SLC6A15: variants seen among roughly 807,000 people sequenced by gnomAD.
SLC6A15 encodes the protein solute carrier family 6 member 15.
A neutral mutation model predicts 68.5 loss-of-function variants in SLC6A15; 33 were observed. The ratio of observed to expected loss-of-function variants is 0.48; its 90% confidence interval spans 0.37 to 0.64. SLC6A15 has a LOEUF of 0.64. Ranked by LOEUF, SLC6A15 falls within the 30% of genes least tolerant of loss-of-function variation. The pLI is 0.00. For synonymous variants in SLC6A15, 347 were observed against 301.0 expected (o/e 1.15, Z -1.58); for missense variants, 747 against 874.3 (o/e 0.85, Z 1.84).
At chr12:84,889,287 A>G (rs111701244) in intron 2 of SLC6A15, among the ~76,000 whole-genome samples, 29 of 151,822 alleles carry the variant, frequency 1.9e-4, no homozygotes, top group Non-Finnish European at 2.9e-4. Flanking sequence ...TCAGGAGATC[A>G]AGACCATCCT....
rs1325029907 is a variant in SLC6A15, at chr12:84,863,381, C to T, written c.1818+58G>A. The T allele has an allele frequency of 3.0e-6, 4 of 1,355,412 alleles. No homozygotes were observed. In the African/African-American group the frequency reaches 6.1e-5, roughly 21 times the overall value. 84.0% of individuals were successfully genotyped at this position (1,355,412 alleles called of 1,614,324 possible). On this transcript the variant is annotated intron_variant, in intron 11 of 11. Coordinates refer to ENST00000266682, the MANE Select transcript of SLC6A15 (RefSeq NM_182767.6). ...TGTGATGGAGACAAAAGAAAAAGCC[C>T]TCTAAAAAAGCTTTTTATATATCTT...
intron 1 of SLC6A15, among the ~76,000 whole-genome samples, chr12:84,911,410 A>T (rs2120761219): frequency 6.6e-6 from 1 of 152,268 alleles, no homozygotes; most frequent in Non-Finnish European, 1.5e-5. Context: ...ATAAGCACCC[A>T]AACACTGCTT....
intron 9 of SLC6A15, among the ~76,000 whole-genome samples, chr12:84,868,029 G>A (rs938678127): frequency 5.9e-5 from 9 of 152,076 alleles, no homozygotes; most frequent in African/African-American, 1.9e-4. Context: ...ACCACATTTC[G>A]GCAGAGGTGA....
At chr12:84,871,518 A>G (rs1302517497) in intron 8 of SLC6A15, among the ~76,000 whole-genome samples, 1 of 152,136 alleles carries the variant, frequency 6.6e-6, no homozygotes, top group Non-Finnish European at 1.5e-5. Context: ...TACTTTGTCT[A>G]ACTAACTGTA....
rs555637022 is a variant in SLC6A15, at chr12:84,899,453, C to T, written c.-188-7145G>A. Among the ~76,000 whole-genome samples, 11 of 152,268 alleles carry T rather than the reference C, an allele frequency of 7.2e-5. No individual in the cohort carries two copies. In the South Asian group the frequency reaches 2.3e-3, roughly 32 times the overall value. On this transcript the variant is annotated intron_variant, in intron 1 of 11. Coordinates refer to ENST00000266682, the MANE Select transcript of SLC6A15 (RefSeq NM_182767.6). ...GCATGTCATCCAATTCCATCAAAGG[C>T]ATTATGCCCAGGCTGTAAATACTAC...
At chr12:84,873,684 A>G (rs951685951) in intron 6 of SLC6A15, among the ~76,000 whole-genome samples, 1 of 152,216 alleles carries the variant, frequency 6.6e-6, no homozygotes, top group African/African-American at 2.4e-5. Context: ...TCCATAGCAA[A>G]ACAGGTCAAT....
chr12:84,893,812 T>C (rs144804882), intron 1 of SLC6A15, among the ~76,000 whole-genome samples: 3 of 152,312 alleles, frequency 2.0e-5, no homozygotes, highest in African/African-American at 7.2e-5. Flanking sequence ...TGTTTTAAAA[T>C]TAAAATATAT....
chr12:84,892,106 G>T lies in SLC6A15; in HGVS notation c.15C>A (p.Ser5Arg). Residue 5 changes from serine to arginine, a missense_variant, in exon 2 of 12, where the codon AGC becomes AGA. Coordinates refer to ENST00000266682, the MANE Select transcript of SLC6A15 (RefSeq NM_182767.6). ...CATCTAATTCTCTTTTTACCACCTT[G>T]CTATTTTTGGGCATTGGAGAGTATG... MPKN[S>R]KVVKRELDDD... The T allele has an allele frequency of 6.2e-7, 1 of 1,603,596 alleles. No homozygotes were observed. Among genetic ancestry groups the T allele is most frequent in the Non-Finnish European group, 8.5e-7 (1 of 1,175,632 alleles).
intron 1 of SLC6A15, among the ~76,000 whole-genome samples, chr12:84,897,321 T>C (rs1041069683): frequency 6.6e-6 from 1 of 151,718 alleles, no homozygotes. Flanking sequence ...AAAAAAGAAA[T>C]GAAAAGTTAC....
chr12:84,862,440 T>TA, intron 11 of SLC6A15, among the ~76,000 whole-genome samples: 1 of 152,204 alleles, frequency 6.6e-6, no homozygotes, highest in Non-Finnish European at 1.5e-5. Flanking sequence ...CTTAAATGTG[T>TA]CATATATCTT....
Position 84,888,748 on chromosome 12 carries a change from TC to T in SLC6A15, c.290-2681del, listed in dbSNP as rs550043277. ...TTATGTAACAAAAATCCACTTCTAC[TC>T]CAAAATCTATTGAAATAATTTTTCT... On this transcript the variant is annotated intron_variant, in intron 2 of 11. Coordinates refer to ENST00000266682, the MANE Select transcript of SLC6A15 (RefSeq NM_182767.6). Among the ~76,000 whole-genome samples, 12 of 152,280 alleles carry T rather than the reference TC, an allele frequency of 7.9e-5. No homozygotes were observed. In the East Asian group the frequency reaches 2.3e-3, roughly 29 times the overall value.
Position 84,873,279 on chromosome 12 carries a change from A to C in SLC6A15, c.917T>G (p.Val306Gly). 2 of 1,614,092 alleles carry C rather than the reference A, an allele frequency of 1.2e-6. No individual in the cohort carries two copies. The highest frequency in any genetic ancestry group is 2.2e-5 in the South Asian group (2 of 91,082). The change falls in exon 7 of 12, where the codon GTG (valine) becomes GGG (glycine). Residue 306 changes from valine (V) to glycine (G), a missense_variant. Physicochemically the swap from Val to Gly is moderately radical, Grantham distance 109 (BLOSUM62 -3). Coordinates refer to ENST00000266682, the MANE Select transcript of SLC6A15 (RefSeq NM_182767.6). ...AAATCCCAGACCTAAGGCAAAGAACACTTGAGTAGCAGCTTCTCTCCAGAC... is the reference window on the plus strand; with the variant it reads ...AAATCCCAGACCTAAGGCAAAGAACCCTTGAGTAGCAGCTTCTCTCCAGAC... ...PKVWREAATQVFFALGLGFGG... is the reference protein window; with the variant it reads ...PKVWREAATQGFFALGLGFGG...
Position 84,859,548 on chromosome 12 carries a change from A to C in SLC6A15, c.*2084T>G, listed in dbSNP as rs1870759100. On this transcript the variant is annotated 3_prime_UTR_variant, in exon 12 of 12. Transcript: ENST00000266682. The stretch of plus-strand genomic sequence containing the variant: ...CTATATTTATATACATCAAAACAGC[A>C]TGTTGTACACCTTAGATGTATACTT... 6.6e-6 allele frequency: 1 copy of C among 151,914 alleles called. No individual in the cohort carries two copies. The highest frequency in any genetic ancestry group is 1.5e-5 in the Non-Finnish European group (1 of 67,910). The allele number at this position is 151,914 out of a possible 1,614,324, so 9.4% of individuals were successfully genotyped here.
chr12:84,908,210 T>C (rs994422683), intron 1 of SLC6A15, among the ~76,000 whole-genome samples: 29 of 152,176 alleles, frequency 1.9e-4, no homozygotes, highest in African/African-American at 6.0e-4. Flanking sequence ...ACAAGAACTC[T>C]CTGTGTTATT....
intron 1 of SLC6A15, among the ~76,000 whole-genome samples, chr12:84,900,000 A>G (rs993508721): frequency 1.3e-5 from 2 of 152,024 alleles, no homozygotes; most frequent in South Asian, 2.1e-4. Flanking sequence ...AATCAGCTTG[A>G]CAATTTCTAC....
chr12:84,863,317 G>A, intron 11 of SLC6A15, 122 bp downstream of exon 11: 1 of 656,654 alleles, frequency 1.5e-6, no homozygotes, highest in Non-Finnish European at 2.6e-6. Context: ...TCATATCCTT[G>A]CATAAAAGCT....
intron 8 of SLC6A15, among the ~76,000 whole-genome samples, chr12:84,872,252 T>G (rs1441749706): frequency 6.6e-6 from 1 of 152,084 alleles, no homozygotes; most frequent in African/African-American, 2.4e-5. Context: ...ATCATGTATG[T>G]GTAAATGAGA....
intron 6 of SLC6A15, among the ~76,000 whole-genome samples, chr12:84,875,103 T>C (rs1871458790): frequency 1.3e-5 from 2 of 152,314 alleles, no homozygotes; most frequent in South Asian, 4.1e-4. Flanking sequence ...ATCAAATGTT[T>C]AGAATTTTGT....
chr12:84,904,682 T>C (rs1310295799), intron 1 of SLC6A15, among the ~76,000 whole-genome samples: 1 of 152,220 alleles, frequency 6.6e-6, no homozygotes, highest in African/African-American at 2.4e-5. Context: ...TAGTCAATCA[T>C]ATGTAAAGCT....
Sources: allele counts gnomAD v4.1 joint callset (sites outside exome capture counted in the v4.1 genomes callset), GRCh38; gene constraint gnomAD v4.1.1; transcripts MANE v1.5; gene names NCBI Gene and HGNC (gene_info 2026-07-23, HGNC 2026-07-21).